Variants in LIPA observed in about 807,000 individuals in gnomAD.
The protein encoded by LIPA is lysosomal acid lipase/cholesteryl ester hydrolase.
In LIPA, 26 loss-of-function variants were observed where a neutral mutation model predicts 40.6. That is an observed-to-expected ratio of 0.64 (90% CI 0.47 to 0.89). LIPA has a LOEUF of 0.89. LIPA is among the 40% of genes least tolerant of loss of function. LIPA has a pLI of 0.00. For synonymous variants in LIPA, 188 were observed against 168.4 expected (o/e 1.12, Z -0.90); for missense variants, 455 against 479.6 (o/e 0.95, Z 0.48).
intron 8 of LIPA, among the ~76,000 whole-genome samples, chr10:89,220,338 G>C (rs889913869): frequency 2.0e-5 from 3 of 152,146 alleles, no homozygotes; most frequent in Admixed American, 1.3e-4. Flanking sequence ...TAACTGATGA[G>C]GTGACAGACA....
chr10:89,318,450 T>A (rs938151944), intron 1 of LIPA, among the ~76,000 whole-genome samples: 1 of 151,814 alleles, frequency 6.6e-6, no homozygotes, highest in Admixed American at 6.6e-5. Flanking sequence ...CCAACAAAGA[T>A]CAAAAGAGAC....
rs192277597 is a variant in LIPA, at chr10:89,406,966, C to T, written c.61+5825G>A. On this transcript the variant is annotated intron_variant, in intron 2 of 8. Coordinates refer to the LIPA transcript ENST00000371837. ...CGGGGGCTAAATACTGGGCACCTGT[C>T]GACCAGTTAAAAGCAACTAGTGTGG... Among the ~76,000 whole-genome samples the T allele has an allele frequency of 4.6e-5, 7 of 152,264 alleles. No individual in the cohort carries two copies. The East Asian group carries it at 1.2e-3, about 25-fold the overall frequency.
At chr10:89,375,745 G>A (rs533542802) in intron 2 of LIPA, among the ~76,000 whole-genome samples, 1 of 152,224 alleles carries the variant, frequency 6.6e-6, no homozygotes, top group South Asian at 2.1e-4. Context: ...TTTCTGTGCT[G>A]TCATTATGCT....
chr10:89,383,986 C>T (rs1844183909), intron 2 of LIPA: 2 of 1,614,050 alleles, frequency 1.2e-6, no homozygotes, highest in Non-Finnish European at 1.7e-6. Context: ...TCTCCTTGCC[C>T]TGAAGCTTCA....
intron 8 of LIPA, among the ~76,000 whole-genome samples, chr10:89,221,731 C>G (rs1412573278): frequency 6.6e-6 from 1 of 152,116 alleles, no homozygotes; most frequent in African/African-American, 2.4e-5. Flanking sequence ...AAAAGAAAAG[C>G]AAGCTGTAAA....
At chr10:89,229,576 C>T (rs564386033) in intron 3 of LIPA, among the ~76,000 whole-genome samples, 1 of 152,234 alleles carries the variant, frequency 6.6e-6, no homozygotes, top group East Asian at 1.9e-4. Context: ...CATGGCGAAA[C>T]CCTGTCTCTA....
At chr10:89,225,299 GTCACT>G in intron 5 of LIPA, 71 bp from the exon 6 acceptor site, 2 of 1,593,426 alleles carry the variant, frequency 1.3e-6, no homozygotes, top group South Asian at 1.1e-5. Context: ...CACAAAGGCC[GTCACT>G]CGCGACGCCC....
intron 1 of LIPA, chr10:89,308,022 A>AC (rs1843493766): frequency 6.6e-6 from 1 of 152,544 alleles, no homozygotes; most frequent in Non-Finnish European, 1.5e-5. Context: ...GCTAGAAGCG[A>AC]CGGGTACAAA....
chr10:89,403,431 C>T (rs1005534310), intron 2 of LIPA: 3 of 1,613,712 alleles, frequency 1.9e-6, no homozygotes, highest in Non-Finnish European at 2.5e-6. Flanking sequence ...CCACTATGGT[C>T]GGTTTCAGGA....
chr10:89,287,309 T>G (rs914800756), intron 1 of LIPA, among the ~76,000 whole-genome samples: 1 of 152,340 alleles, frequency 6.6e-6, no homozygotes, highest in Non-Finnish European at 1.5e-5. Flanking sequence ...TTCAAGGTCC[T>G]GTTTCCCTTG....
chr10:89,378,567 A>T lies in LIPA; in HGVS notation c.61+34224T>A, dbSNP rs1022981319. On this transcript the variant is annotated intron_variant, in intron 2 of 8. Coordinates refer to the LIPA transcript ENST00000371837. ...GAGCACAGTGGGAGCTTAGGAATTA[A>T]TTCCATGACCTTCACCTCCTCCTGC... Among the ~76,000 whole-genome samples the T allele has an allele frequency of 2.6e-5, 4 of 152,234 alleles. No homozygotes were observed. In the East Asian group the frequency reaches 7.7e-4, roughly 29 times the overall value.
At chr10:89,293,386 C>T (rs4934466) in intron 1 of LIPA, among the ~76,000 whole-genome samples, 114,489 of 152,050 alleles carry the variant, frequency 0.75, 44,504 homozygotes, top group East Asian at 0.99. Context: ...ACAGCAGCAG[C>T]CAGATCCCGG....
chr10:89,328,609 G>T (rs1437277905), intron 1 of LIPA, among the ~76,000 whole-genome samples: 1 of 152,156 alleles, frequency 6.6e-6, no homozygotes, highest in Admixed American at 6.5e-5. Flanking sequence ...ATTTTGCCCT[G>T]AAACGTTGCA....
chr10:89,335,572 G>A (rs1381485947), intron 1 of LIPA: 1 of 150,722 alleles, frequency 6.6e-6, no homozygotes, highest in Non-Finnish European at 1.5e-5. Context: ...GAGAGAGATA[G>A]TGTCATCAGA....
At chr10:89,236,814 A>C (rs1833315731) in intron 3 of LIPA, among the ~76,000 whole-genome samples, 1 of 152,234 alleles carries the variant, frequency 6.6e-6, no homozygotes, top group African/African-American at 2.4e-5. Context: ...TCTAGACTCT[A>C]ATATTCAAGA....
chr10:89,401,763 GTAAT>G (rs1358804872), intron 2 of LIPA, among the ~76,000 whole-genome samples: 5 of 143,316 alleles, frequency 3.5e-5, no homozygotes, highest in Non-Finnish European at 7.5e-5. Context: ...CCGTGAATCT[GTAAT>G]TATTTCCAAG....
intron 2 of LIPA, among the ~76,000 whole-genome samples, chr10:89,399,600 T>G (rs1844392591): frequency 1.2e-5 from 1 of 84,344 alleles, no homozygotes; most frequent in African/African-American, 1.2e-4. Flanking sequence ...TATATCCAGC[T>G]TTCCCACACA....
intron 1 of LIPA, chr10:89,339,583 C>T (rs752780101): frequency 6.2e-7 from 1 of 1,614,156 alleles, no homozygotes; most frequent in South Asian, 1.1e-5. Flanking sequence ...GATTGAAGCA[C>T]TAAAGCAATA....
intron 1 of LIPA, among the ~76,000 whole-genome samples, chr10:89,322,138 C>G (rs1363917725): frequency 6.6e-6 from 1 of 152,180 alleles, no homozygotes; most frequent in African/African-American, 2.4e-5. Flanking sequence ...TTAATGGGTG[C>G]AGCACACCAA....
Sources: gnomAD v4.1 joint callset for allele counts (sites outside exome capture counted in the v4.1 genomes callset) on GRCh38, gnomAD v4.1.1 for gene constraint, MANE v1.5 for transcripts, NCBI Gene and HGNC (gene_info 2026-07-23, HGNC 2026-07-21) for gene names.